Variants in PIK3R4 observed in about 807,000 individuals in gnomAD.
The protein encoded by PIK3R4 is phosphoinositide 3-kinase regulatory subunit 4.
In PIK3R4, 46 loss-of-function variants were observed where a neutral mutation model predicts 136.5. The ratio of observed to expected loss-of-function variants is 0.34; its 90% CI spans 0.27 to 0.43. The LOEUF is 0.43. Among genes scored for constraint, PIK3R4 ranks in the 20% least tolerant of loss-of-function variants. PIK3R4 has a pLI of 1.00. For missense variants in PIK3R4, 1,331 were observed against 1,649.5 expected (o/e 0.81, Z 3.35); for synonymous variants, 557 against 566.7 (o/e 0.98, Z 0.24).
chr3:130,680,298 C>T (rs1042754297), intron 19 of PIK3R4, among the ~76,000 whole-genome samples: 4 of 152,152 alleles, frequency 2.6e-5, no homozygotes, highest in Non-Finnish European at 5.9e-5. Flanking sequence ...TTTCTGTTTA[C>T]TAGCTGTGTG....
intron 13 of PIK3R4, among the ~76,000 whole-genome samples, chr3:130,699,711 A>G (rs1473363391): frequency 6.6e-6 from 1 of 152,204 alleles, no homozygotes; most frequent in African/African-American, 2.4e-5. Context: ...TGCCATTCCA[A>G]AATAGAAACC....
chr3:130,708,238 T>G, intron 10 of PIK3R4, 53 bp downstream of exon 10: 1 of 1,420,150 alleles, frequency 7.0e-7, no homozygotes, highest in East Asian at 2.3e-5. Context: ...AAAAACAGTC[T>G]TATGAAATAA....
chr3:130,710,124 A>C (rs771037763), intron 9 of PIK3R4, among the ~76,000 whole-genome samples: 5 of 152,150 alleles, frequency 3.3e-5, no homozygotes, highest in Non-Finnish European at 7.4e-5. Context: ...GGTTGTTCAT[A>C]AACGCAAATG....
chr3:130,714,909 T>C (rs1177293862), intron 9 of PIK3R4, among the ~76,000 whole-genome samples: 1 of 152,178 alleles, frequency 6.6e-6, no homozygotes, highest in East Asian at 1.9e-4. Context: ...AATAAACATA[T>C]ATGTGCATGT....
At chr3:130,737,366 C>T (rs1285299355) in intron 2 of PIK3R4, among the ~76,000 whole-genome samples, 9 of 152,170 alleles carry the variant, frequency 5.9e-5, no homozygotes, top group Non-Finnish European at 1.2e-4. Context: ...AATAAATCAA[C>T]GAAAAGTTAA....
At chr3:130,682,379 G>A (rs1213427621) in intron 16 of PIK3R4, among the ~76,000 whole-genome samples, 1 of 152,162 alleles carries the variant, frequency 6.6e-6, no homozygotes, top group African/African-American at 2.4e-5. Context: ...GGAAATAGAT[G>A]TTCCCCTAGT....
chr3:130,711,018 G>GA (rs112435668), intron 9 of PIK3R4, among the ~76,000 whole-genome samples: 2,377 of 131,326 alleles, frequency 0.018, 46 homozygotes, highest in African/African-American at 0.059. Context: ...GAAAAGGAAA[G>GA]AAAAAAAAAA....
intron 5 of PIK3R4, among the ~76,000 whole-genome samples, chr3:130,729,933 TA>T (rs1192379486): frequency 2.0e-5 from 3 of 152,152 alleles, no homozygotes; most frequent in African/African-American, 7.2e-5. Context: ...TAGTATGAAA[TA>T]AAAACAATTT....
At position 130,679,326 on chromosome 3, in the gene PIK3R4, C is replaced by T; in HGVS notation, c.4066G>A (p.Val1356Met). 1.3e-6 allele frequency: 2 copies of T among 1,599,116 alleles called. No homozygotes were observed. Among genetic ancestry groups the T allele is most frequent in the Non-Finnish European group, 1.7e-6 (2 of 1,171,462 alleles). The change falls in exon 20 of 20, where the codon GTG becomes ATG. Residue 1356 changes from valine to methionine, a missense_variant. Val to Met is a conservative substitution (Grantham distance 21). Coordinates refer to ENST00000356763, the MANE Select transcript of PIK3R4 (RefSeq NM_014602.3). ...CAAATCAGTAGGTTTTATTTCCACACCTTCACAATCCCATCTCTAGAAGCA... is the reference window on the plus strand; with the variant it reads ...CAAATCAGTAGGTTTTATTTCCACATCTTCACAATCCCATCTCTAGAAGCA... The part of the protein sequence containing the change: ...VTASRDGIVK[V>M]WK
At chr3:130,711,210 AACAC>A (rs141661613) in intron 9 of PIK3R4, among the ~76,000 whole-genome samples, 1 of 150,830 alleles carries the variant, frequency 6.6e-6, no homozygotes, top group Non-Finnish European at 1.5e-5. Flanking sequence ...AACTGTACAA[AACAC>A]ACACACACAC....
At chr3:130,707,207 G>T in intron 10 of PIK3R4, 72 bp from the exon 11 acceptor site, 1 of 1,041,254 alleles carries the variant, frequency 9.6e-7, no homozygotes, top group South Asian at 1.7e-5. Context: ...TATTGCCTTT[G>T]GAGGGGACAG....
chr3:130,706,230 C>T (rs4682630), intron 11 of PIK3R4, among the ~76,000 whole-genome samples: 31,126 of 151,928 alleles, frequency 0.2, 3,399 homozygotes, highest in South Asian at 0.36. Context: ...TTGAAAATAT[C>T]ATTAAGTCAA....
chr3:130,685,293 G>A (rs747322984), intron 15 of PIK3R4, among the ~76,000 whole-genome samples: 4 of 152,236 alleles, frequency 2.6e-5, no homozygotes, highest in Non-Finnish European at 4.4e-5. Context: ...TAGCAAATAA[G>A]TAGGTAAGGT....
intron 2 of PIK3R4, among the ~76,000 whole-genome samples, chr3:130,740,507 G>C (rs1462326223): frequency 6.6e-6 from 1 of 152,100 alleles, no homozygotes; most frequent in Non-Finnish European, 1.5e-5. Flanking sequence ...GAGGCCAAGG[G>C]GGCGCGGATC....
intron 12 of PIK3R4, 85 bp downstream of exon 12, chr3:130,705,476 G>A (rs2066601132): frequency 1.2e-6 from 1 of 837,254 alleles, no homozygotes; most frequent in South Asian, 1.6e-5. Context: ...TCTTTTGTCT[G>A]GTAGTTAAGT....
chr3:130,715,481 T>C (rs916287599), intron 9 of PIK3R4, among the ~76,000 whole-genome samples: 2 of 152,172 alleles, frequency 1.3e-5, no homozygotes, highest in African/African-American at 4.8e-5. Context: ...TGTCTCATTG[T>C]GGTTTTGATT....
intron 1 of PIK3R4, among the ~76,000 whole-genome samples, chr3:130,745,973 T>A (rs996348835): frequency 2.7e-5 from 4 of 149,894 alleles, no homozygotes; most frequent in African/African-American, 9.9e-5. Context: ...TGAGTGGAGA[T>A]CCCGCCACCG....
intron 11 of PIK3R4, 135 bp downstream of exon 11, chr3:130,706,813 G>T: frequency 3.7e-6 from 2 of 538,078 alleles, no homozygotes; most frequent in Non-Finnish European, 6.2e-6. Flanking sequence ...ACCTGTCTTA[G>T]AAAGAAATAT....
rs182563062 is a variant in PIK3R4 at position 130,718,614 on chromosome 3, A to C, written c.1982-80T>G. 99 of 1,404,244 alleles carry C rather than the reference A, an allele frequency of 7.1e-5. No individual in the cohort carries two copies. In the African/African-American group the frequency reaches 1.4e-3, roughly 20 times the overall value. 87.0% of individuals were successfully genotyped at this position (1,404,244 alleles called of 1,614,324 possible). On this transcript the variant is annotated intron_variant, in intron 7 of 19. Transcript: ENST00000356763. ...TAAACAAATTTTTACCTTATAACGT[A>C]ACTGACAAAAGGATTTTGCCACAGT... is the stretch of plus-strand genomic sequence containing the variant.
Sources: allele counts gnomAD v4.1 joint callset (sites outside exome capture counted in the v4.1 genomes callset), GRCh38; gene constraint gnomAD v4.1.1; transcripts MANE v1.5; gene names NCBI Gene and HGNC (gene_info 2026-07-23, HGNC 2026-07-21).